Variants in GOT2 observed in about 807,000 individuals in gnomAD.
GOT2 encodes aspartate aminotransferase, mitochondrial.
GOT2 carries 17 observed loss-of-function variants against 50.0 expected under a neutral mutation model. That is an observed-to-expected ratio of 0.34 (90% CI 0.23 to 0.51). GOT2 has a LOEUF of 0.51. Among genes scored for constraint, GOT2 ranks in the 20% least tolerant of loss-of-function variants. The pLI, the probability that GOT2 is intolerant of heterozygous loss-of-function variation, is 0.97. For missense variants in GOT2, 430 were observed against 559.6 expected (o/e 0.77, Z 2.34); for synonymous variants, 172 against 204.9 (o/e 0.84, Z 1.37).
In GOT2 at chr16:58,722,378, C is replaced by T; in HGVS notation, c.247-100G>A. 5.5e-6 allele frequency: 6 copies of T among 1,098,374 alleles called. No homozygotes were observed. In the Admixed American group the frequency reaches 7.3e-5, roughly 13 times the overall value. 68.0% of individuals were successfully genotyped at this position (1,098,374 alleles called of 1,614,324 possible). The stretch of plus-strand genomic sequence containing the variant: ...ATAAGTTAAGTTTTGGAGGTAAAGT[C>T]TTTTTTTTTTGAGATGGAGTTTTGC... On this transcript the variant is annotated intron_variant, in intron 2 of 9. Coordinates refer to ENST00000245206, the MANE Select transcript of GOT2 (RefSeq NM_002080.4).
At chr16:58,724,846 A>G (rs777222156) in intron 1 of GOT2, among the ~76,000 whole-genome samples, 3 of 151,970 alleles carry the variant, frequency 2.0e-5, no homozygotes, top group Admixed American at 6.6e-5. Flanking sequence ...TGGTCCATAC[A>G]TTATTAGGTC....
intron 1 of GOT2, among the ~76,000 whole-genome samples, chr16:58,727,386 A>G (rs1455881095): frequency 6.6e-6 from 1 of 152,062 alleles, no homozygotes; most frequent in African/African-American, 2.4e-5. Flanking sequence ...TTTTTAAAAA[A>G]AGAAAAAACT....
At chr16:58,727,274 G>T (rs527600634) in intron 1 of GOT2, among the ~76,000 whole-genome samples, 1 of 151,948 alleles carries the variant, frequency 6.6e-6, no homozygotes, top group Non-Finnish European at 1.5e-5. Flanking sequence ...GACTACAGGC[G>T]CACACAAGTT....
chr16:58,728,879 G>C (rs1352904923), intron 1 of GOT2, among the ~76,000 whole-genome samples: 2 of 151,998 alleles, frequency 1.3e-5, no homozygotes, highest in Admixed American at 1.3e-4. Context: ...TAGAGATGGG[G>C]TTTTGCCATG....
intron 1 of GOT2, among the ~76,000 whole-genome samples, chr16:58,729,708 T>C (rs2044816944): frequency 1.4e-5 from 2 of 143,944 alleles, no homozygotes; most frequent in Admixed American, 1.4e-4. Flanking sequence ...TCTTCTGGTA[T>C]ACCTTTTAAG....
At chr16:58,733,791 T>C in intron 1 of GOT2, 1 of 234,080 alleles carries the variant, frequency 4.3e-6, no homozygotes. Context: ...GCACGGTCGT[T>C]ACCCGGCGCC....
Position 58,709,508 on chromosome 16 carries a change from G to C in GOT2, c.1079C>G (p.Ser360Cys), listed in dbSNP as rs764849769. The change falls in exon 9 of 10, where the codon TCC (serine) becomes TGC (cysteine). Residue 360 changes from serine to cysteine, a missense_variant. Ser to Cys is a moderately radical substitution (Grantham distance 112). Coordinates refer to ENST00000245206, the MANE Select transcript of GOT2 (RefSeq NM_002080.4). ...GGTGGAACCCTCCTTCTTGAGGTTG[G>C]AGACCAGTTGAGTCCGCATGCCAAT... ...RIIGMRTQLV[S>C]NLKKEGSTHN... is the part of the protein sequence containing the mutation. 4.3e-6 allele frequency: 7 copies of C among 1,613,756 alleles called. No individual in the cohort carries two copies. Among genetic ancestry groups the C allele is most frequent in the Non-Finnish European group, 5.9e-6 (7 of 1,179,692 alleles).
rs543085207 is a variant in GOT2 at position 58,716,881 on chromosome 16, C to G, written c.703-68G>C. On this transcript the variant is annotated intron_variant, in intron 6 of 9. Transcript: ENST00000245206. ...AGAGGCCCCAGATGTTTATAAAAGT[C>G]TGAAAGATGTTTATGTGAGGTGGGC... 3.4e-6 allele frequency: 5 copies of G among 1,466,596 alleles called. No homozygotes were observed. The Admixed American group carries it at 7.2e-5, about 21-fold the overall frequency. The allele number at this position is 1,466,596 out of a possible 1,614,324, so 90.8% of individuals were successfully genotyped here. A position where few individuals can be genotyped will look rare whatever the true frequency, so the allele number is the denominator to read the frequency against.
intron 6 of GOT2, among the ~76,000 whole-genome samples, chr16:58,717,910 G>A (rs999267958): frequency 2.6e-5 from 4 of 152,114 alleles, no homozygotes; most frequent in Admixed American, 6.6e-5. Flanking sequence ...GGCTGGTCTC[G>A]AACTGACCTC....
intron 6 of GOT2, among the ~76,000 whole-genome samples, chr16:58,717,552 G>A (rs1363484790): frequency 6.6e-6 from 1 of 152,184 alleles, no homozygotes; most frequent in African/African-American, 2.4e-5. Flanking sequence ...GCAAAGGAGA[G>A]GACATGAAAA....
chr16:58,715,439 G>A (rs1440831785), intron 8 of GOT2, among the ~76,000 whole-genome samples: 1 of 152,174 alleles, frequency 6.6e-6, no homozygotes, highest in African/African-American at 2.4e-5. Context: ...GGGAGGCTGA[G>A]GCTGGAGGAC....
At position 58,708,341 on chromosome 16, in the gene GOT2, C is replaced by A. The variant is rs763965372; in HGVS notation, c.1171-48G>T. ...GTACCTCTTCCCGGTACAGGGGATT[C>A]TCCCCGGCCTGACATGGCACAGTAG... On this transcript the variant is annotated intron_variant, in intron 9 of 9. Coordinates refer to ENST00000245206, the MANE Select transcript of GOT2 (RefSeq NM_002080.4). The A allele has an allele frequency of 1.9e-6, 3 of 1,592,784 alleles. No individual in the cohort carries two copies. The Admixed American group carries it at 5.1e-5, about 27-fold the overall frequency.
At position 58,719,193 on chromosome 16, in the gene GOT2, C is replaced by T. The variant is rs200641525; in HGVS notation, c.435+3G>A. Reference sequence around the variant, plus strand: ...TCTTTCCTGAAGAAGCTTCCAGACTCACCAGAAAACTGGCTCCGATCCTTA... The same window carrying T: ...TCTTTCCTGAAGAAGCTTCCAGACTTACCAGAAAACTGGCTCCGATCCTTA... On this transcript the variant is annotated splice_donor_region_variant and intron_variant, in intron 4 of 9. Transcript: ENST00000245206. 2.4e-4 allele frequency: 388 copies of T among 1,609,272 alleles called. 1 individual carries two copies. The Admixed American group carries it at 2.8e-3, about 12-fold the overall frequency.
Position 58,708,071 on chromosome 16 carries a change from C to T in GOT2, c.*100G>A, listed in dbSNP as rs1036734781. The T allele has an allele frequency of 2.0e-5, 23 of 1,141,262 alleles. No individual in the cohort carries two copies. In the African/African-American group the frequency reaches 3.4e-4, roughly 17 times the overall value. 70.7% of individuals were successfully genotyped at this position (1,141,262 alleles called of 1,614,324 possible). Reference sequence around the variant, plus strand: ...ACACACTGTGGCTGAAAGAAATGATCCACTCACCACCATCCACCCTCTCTC... The same window carrying T: ...ACACACTGTGGCTGAAAGAAATGATTCACTCACCACCATCCACCCTCTCTC... On this transcript the variant is annotated 3_prime_UTR_variant, in exon 10 of 10. Transcript: ENST00000245206.
chr16:58,722,715 G>A (rs1156467667), intron 2 of GOT2, among the ~76,000 whole-genome samples: 1 of 152,052 alleles, frequency 6.6e-6, no homozygotes, highest in Non-Finnish European at 1.5e-5. Context: ...AAGAAGGGTA[G>A]GTAGAATGCT....
chr16:58,715,675 C>T (rs1339560830), intron 8 of GOT2, among the ~76,000 whole-genome samples: 1 of 152,196 alleles, frequency 6.6e-6, no homozygotes, highest in Non-Finnish European at 1.5e-5. Context: ...GCCTCATCCT[C>T]CCGAGTAGCT....
chr16:58,731,584 C>G (rs1431190170), intron 1 of GOT2, among the ~76,000 whole-genome samples: 1 of 152,204 alleles, frequency 6.6e-6, no homozygotes, highest in Non-Finnish European at 1.5e-5. Flanking sequence ...AATCAAAATA[C>G]ATTAGCATCT....
Position 58,712,504 on chromosome 16 carries a change from C to A in GOT2, c.1020-2937G>T, listed in dbSNP as rs1196737597. 2.7e-5 allele frequency among the ~76,000 whole-genome samples: 4 copies of A among 146,554 alleles called. No homozygotes were observed. The East Asian group carries it at 6.0e-4, about 22-fold the overall frequency. On this transcript the variant is annotated intron_variant, in intron 8 of 9. Transcript: ENST00000245206. ...CCGGCCTGGGCCACAGAGCAAGATT[C>A]TCTCAAAACAACAACAAGAACAACA...
rs2044616944 is a variant in GOT2, at chr16:58,707,985, G to A, written c.*186C>T. On this transcript the variant is annotated 3_prime_UTR_variant, in exon 10 of 10. Coordinates refer to ENST00000245206, the MANE Select transcript of GOT2 (RefSeq NM_002080.4). ...TTTAATATTCCAGACGCCAGCCATG[G>A]ATGCCTCTGCCCTGTGTCACTACAT... 2.3e-6 allele frequency: 1 copy of A among 438,006 alleles called. No individual in the cohort carries two copies. The highest frequency in any genetic ancestry group is 3.9e-6 in the Non-Finnish European group (1 of 258,486). 27.1% of individuals were successfully genotyped at this position (438,006 alleles called of 1,614,324 possible).
Sources: gnomAD v4.1 joint callset for allele counts (sites outside exome capture counted in the v4.1 genomes callset) on GRCh38, gnomAD v4.1.1 for gene constraint, MANE v1.5 for transcripts, NCBI Gene and HGNC (gene_info 2026-07-23, HGNC 2026-07-21) for gene names.